The following DENND1A variants were observed in gnomAD, a reference collection of about 807,000 sequenced individuals.
The protein encoded by DENND1A is DENN domain-containing protein 1A.
Under a neutral mutation model 113.7 loss-of-function variants are expected in DENND1A, and 51 were observed. The ratio of observed to expected loss-of-function variants is 0.45; its 90% confidence interval spans 0.36 to 0.57. DENND1A has a LOEUF of 0.57. Ranked by LOEUF, DENND1A falls within the 20% of genes least tolerant of loss-of-function variation. The pLI, the probability that DENND1A is intolerant of heterozygous loss-of-function variation, is 0.00. For synonymous variants in DENND1A, 565 were observed against 570.8 expected, an observed-to-expected ratio of 0.99 and a Z score of 0.14; for missense variants, 1,258 against 1,395.9, an observed-to-expected ratio of 0.90 and a Z score of 1.57.
intron 13 of DENND1A, among the ~76,000 whole-genome samples, chr9:123,533,842 C>T (rs1244752109): frequency 2.0e-5 from 3 of 152,172 alleles, no homozygotes; most frequent in Admixed American, 1.3e-4. Context: ...TCAAGCTGAA[C>T]CACTCCCTCT....
chr9:123,447,210 G>A (rs1004714493), intron 18 of DENND1A, among the ~76,000 whole-genome samples: 1 of 152,184 alleles, frequency 6.6e-6, no homozygotes, highest in African/African-American at 2.4e-5. Context: ...TCCCAATTTT[G>A]AGCAAGTCAG....
At chr9:123,583,378 CAA>C in intron 11 of DENND1A, 108 bp from the exon 12 acceptor site, 2 of 763,636 alleles carry the variant, frequency 2.6e-6, no homozygotes, top group Non-Finnish European at 4.4e-6. Context: ...TGACATTTGA[CAA>C]AGTCTTACTC....
intron 13 of DENND1A, among the ~76,000 whole-genome samples, chr9:123,538,855 T>TATACACAC (rs1554864506): frequency 3.0e-5 from 3 of 101,288 alleles, no homozygotes; most frequent in Non-Finnish European, 4.0e-5. Context: ...TATATATATA[T>TATACACAC]ATATGAATTC....
chr9:123,552,968 G>A (rs1316913680), intron 13 of DENND1A, among the ~76,000 whole-genome samples: 1 of 152,246 alleles, frequency 6.6e-6, no homozygotes, highest in East Asian at 1.9e-4. Context: ...AAAAAGACCA[G>A]CATGCCGGGC....
intron 13 of DENND1A, among the ~76,000 whole-genome samples, chr9:123,525,739 C>T (rs1181718834): frequency 6.6e-6 from 1 of 151,390 alleles, no homozygotes; most frequent in African/African-American, 2.4e-5. Flanking sequence ...CTTAGGTTCA[C>T]CCAGCTAGTG....
In DENND1A at chr9:123,393,563, C is replaced by T. The variant is rs550934823; in HGVS notation, c.1632-5705G>A. Among the ~76,000 whole-genome samples the T allele has an allele frequency of 4.4e-4, 67 of 151,892 alleles. No homozygotes were observed. The Middle Eastern group carries it at 0.01, about 23-fold the overall frequency. ...TAAAAAAAAAAAAAAGAAGGTGGCTCTGAACCAAGACTGCAGGGTCTCTGG... is the reference window on the plus strand; with the variant it reads ...TAAAAAAAAAAAAAAGAAGGTGGCTTTGAACCAAGACTGCAGGGTCTCTGG... On this transcript the variant is annotated intron_variant, in intron 21 of 23. Coordinates refer to ENST00000394215, the MANE Select transcript of DENND1A (RefSeq NM_001352964.2).
chr9:123,443,301 T>C (rs1315197133), intron 18 of DENND1A, among the ~76,000 whole-genome samples: 1 of 152,242 alleles, frequency 6.6e-6, no homozygotes, highest in Admixed American at 6.5e-5. Flanking sequence ...ACACTGATCA[T>C]AGGCTGCCAT....
At chr9:123,855,559 A>T (rs1844041755) in intron 2 of DENND1A, among the ~76,000 whole-genome samples, 3 of 152,164 alleles carry the variant, frequency 2.0e-5, no homozygotes, top group Admixed American at 6.5e-5. Context: ...ACAAAGGAGG[A>T]GAGGTCAGCC....
chr9:123,472,271 AG>A (rs1464752145), intron 13 of DENND1A, among the ~76,000 whole-genome samples: 2 of 151,240 alleles, frequency 1.3e-5, no homozygotes, highest in South Asian at 2.1e-4. Flanking sequence ...CCACTGGGGG[AG>A]GGGGAGGCAT....
chr9:123,406,555 G>A (rs12341907), intron 20 of DENND1A, among the ~76,000 whole-genome samples: 2 of 152,252 alleles, frequency 1.3e-5, no homozygotes, highest in Admixed American at 6.5e-5. Context: ...TTTTAGAAAC[G>A]AATGAATGTT....
At chr9:123,925,213 T>G (rs1042711310) in intron 1 of DENND1A, among the ~76,000 whole-genome samples, 3 of 152,298 alleles carry the variant, frequency 2.0e-5, no homozygotes, top group Admixed American at 2.0e-4. Flanking sequence ...TAAATGGTAA[T>G]ATTTTTATTT....
intron 2 of DENND1A, among the ~76,000 whole-genome samples, chr9:123,856,463 T>C (rs1844215671): frequency 6.6e-6 from 1 of 152,078 alleles, no homozygotes; most frequent in Non-Finnish European, 1.5e-5. Context: ...AACAGCTGCA[T>C]GGCAGGGGGT....
chr9:123,690,924 C>T (rs2065151929), intron 5 of DENND1A, among the ~76,000 whole-genome samples: 1 of 152,190 alleles, frequency 6.6e-6, no homozygotes, highest in Non-Finnish European at 1.5e-5. Context: ...TCATGCTCTT[C>T]CTCCTGTGCC....
At chr9:123,557,432 G>C in intron 13 of DENND1A, 138 bp downstream of exon 13, 1 of 1,308,268 alleles carries the variant, frequency 7.6e-7, no homozygotes, top group Non-Finnish European at 1.0e-6. Flanking sequence ...GGAGTACACT[G>C]TCCCCCACCA....
chr9:123,810,406 A>G (rs560427034), intron 2 of DENND1A, among the ~76,000 whole-genome samples: 57 of 152,086 alleles, frequency 3.7e-4, no homozygotes, highest in African/African-American at 1.2e-3. Flanking sequence ...TACACAAACA[A>G]AGTTTTTAAA....
At chr9:123,801,250 T>C (rs567139858) in intron 2 of DENND1A, among the ~76,000 whole-genome samples, 1 of 152,372 alleles carries the variant, frequency 6.6e-6, no homozygotes, top group South Asian at 2.1e-4. Context: ...CAATCACCAC[T>C]ATCCATCTCC....
At chr9:123,754,260 C>G (rs149281085) in intron 5 of DENND1A, among the ~76,000 whole-genome samples, 178 of 152,282 alleles carry the variant, frequency 1.2e-3, no homozygotes, top group African/African-American at 4.2e-3. Flanking sequence ...TCTTGGCAGA[C>G]CTCTCCACTC....
In DENND1A at chr9:123,896,157, A is replaced by T. The variant is rs535853715; in HGVS notation, c.18-17136T>A. ...CATCAGGAAAAAATAAAAAAAAATT[A>T]AAAAATCAGCAGGGCATGGTGGTAC... On this transcript the variant is annotated intron_variant, in intron 1 of 23. Coordinates refer to ENST00000394215, the MANE Select transcript of DENND1A (RefSeq NM_001352964.2). 1.5e-4 allele frequency among the ~76,000 whole-genome samples: 23 copies of T among 152,100 alleles called. No individual in the cohort carries two copies. In the South Asian group the frequency reaches 1.9e-3, roughly 12 times the overall value.
chr9:123,769,421 A>G, intron 4 of DENND1A, 93 bp downstream of exon 4: 1 of 1,151,614 alleles, frequency 8.7e-7, no homozygotes, highest in South Asian at 1.6e-5. Context: ...TCATGGTTAA[A>G]CAGACAGAAT....
Sources: gnomAD v4.1 joint callset for allele counts (sites outside exome capture counted in the v4.1 genomes callset) on GRCh38, gnomAD v4.1.1 for gene constraint, MANE v1.5 for transcripts, NCBI Gene and HGNC (gene_info 2026-07-23, HGNC 2026-07-21) for gene names.